The following SCN8A variants were observed in gnomAD, a reference collection of about 807,000 sequenced individuals.
SCN8A encodes the protein sodium voltage-gated channel alpha subunit 8, also known as sodium channel protein type 8 subunit alpha.
Under a neutral mutation model 184.1 loss-of-function variants are expected in SCN8A, and 30 were observed. The observed-to-expected ratio is 0.16, with a 90% CI of 0.12 to 0.22. The LOEUF (loss-of-function observed/expected upper bound fraction) is 0.22. Among genes scored for constraint, SCN8A ranks in the 10% least tolerant of loss-of-function variants. The pLI, the probability that SCN8A is intolerant of heterozygous loss-of-function variation, is 1.00. For missense variants in SCN8A, 1,057 were observed against 2,498.9 expected (o/e 0.42, Z 12.30); for synonymous variants, 852 against 907.0 (o/e 0.94, Z 1.09).
intron 1 of SCN8A, among the ~76,000 whole-genome samples, chr12:51,624,176 G>A (rs1308947831): frequency 6.6e-6 from 1 of 152,184 alleles, no homozygotes; most frequent in Non-Finnish European, 1.5e-5. Flanking sequence ...AGATCCCTGA[G>A]GAATCGCCAC....
chr12:51,714,333 T>A (rs1198801650), intron 11 of SCN8A, among the ~76,000 whole-genome samples: 1 of 149,670 alleles, frequency 6.7e-6, no homozygotes, highest in African/African-American at 2.4e-5. Context: ...CTGTGAATGA[T>A]TTCTAGCATC....
intron 1 of SCN8A, among the ~76,000 whole-genome samples, chr12:51,657,540 G>A (rs1940846350): frequency 1.3e-5 from 2 of 152,032 alleles, no homozygotes; most frequent in African/African-American, 4.8e-5. Context: ...CTTGTCAGAG[G>A]AATAGTTCAC....
intron 14 of SCN8A, among the ~76,000 whole-genome samples, chr12:51,757,972 A>G (rs1942702639): frequency 6.6e-6 from 1 of 152,178 alleles, no homozygotes; most frequent in African/African-American, 2.4e-5. Context: ...AACTGAGAAA[A>G]TTTCTAAACA....
At chr12:51,760,570 C>T (rs1318500767) in intron 14 of SCN8A, among the ~76,000 whole-genome samples, 1 of 152,214 alleles carries the variant, frequency 6.6e-6, no homozygotes, top group African/African-American at 2.4e-5. Flanking sequence ...AATCAAGTCT[C>T]TACTTAGTGT....
intron 1 of SCN8A, among the ~76,000 whole-genome samples, chr12:51,658,352 C>T (rs1484018787): frequency 2.6e-5 from 4 of 151,824 alleles, no homozygotes; most frequent in Non-Finnish European, 5.9e-5. Flanking sequence ...ATTCCTAGGT[C>T]TTACTATTTT....
Position 51,688,798 on chromosome 12 carries a change from C to G in SCN8A, c.615-207C>G. 1 of 1,613,972 alleles carries G rather than the reference C, an allele frequency of 6.2e-7. No individual in the cohort carries two copies. The highest frequency in any genetic ancestry group is 8.5e-7 in the Non-Finnish European group (1 of 1,179,874). On this transcript the variant is annotated intron_variant, in intron 5 of 26. Transcript: ENST00000627620. ...TGTAAACCTAGGCAATGTTTCAGCT[C>G]TACGCACTTTCAGGGTACTGAGGGC...
intron 2 of SCN8A, among the ~76,000 whole-genome samples, chr12:51,681,453 G>A (rs1320133602): frequency 3.3e-5 from 5 of 152,182 alleles, no homozygotes; most frequent in African/African-American, 4.8e-5. Context: ...TTTTCATAGA[G>A]GGAGTTGCTG....
chr12:51,690,480 G>T (rs1215153469), intron 6 of SCN8A, among the ~76,000 whole-genome samples: 1 of 151,900 alleles, frequency 6.6e-6, no homozygotes, highest in Non-Finnish European at 1.5e-5. Flanking sequence ...AGCCTTCCAA[G>T]TAGCTGAGAC....
intron 20 of SCN8A, among the ~76,000 whole-genome samples, 199 bp downstream of exon 20, chr12:51,774,561 G>C (rs145373183): frequency 6.6e-6 from 1 of 152,296 alleles, no homozygotes; most frequent in Non-Finnish European, 1.5e-5. Flanking sequence ...ATTTGCTCCA[G>C]GGGGACTAAC....
In SCN8A at chr12:51,773,365, G is replaced by A. The variant is rs992098042; in HGVS notation, c.3646-824G>A. Among the ~76,000 whole-genome samples the A allele has an allele frequency of 5.3e-5, 8 of 152,252 alleles. No homozygotes were observed. In the South Asian group the frequency reaches 1.7e-3, roughly 32 times the overall value. On this transcript the variant is annotated intron_variant, in intron 19 of 26. Transcript: ENST00000627620. ...GGAATGCTCACACCACCATATAAGGGATTATCCCATTCATGAATGCCAAAG... is the reference window on the plus strand; with the variant it reads ...GGAATGCTCACACCACCATATAAGGAATTATCCCATTCATGAATGCCAAAG...
At chr12:51,742,225 A>AT (rs1481348287) in intron 12 of SCN8A, among the ~76,000 whole-genome samples, 1 of 152,170 alleles carries the variant, frequency 6.6e-6, no homozygotes, top group Admixed American at 6.5e-5. Flanking sequence ...GGGAGTTTAC[A>AT]TGCCACAATT....
At chr12:51,757,779 C>G (rs1942699546) in intron 14 of SCN8A, among the ~76,000 whole-genome samples, 2 of 151,904 alleles carry the variant, frequency 1.3e-5, no homozygotes, top group Admixed American at 1.3e-4. Flanking sequence ...AGAGCAAGAC[C>G]CTATCTCAAA....
chr12:51,766,093 C>A, intron 16 of SCN8A, 66 bp downstream of exon 16: 1 of 1,280,314 alleles, frequency 7.8e-7, no homozygotes, highest in Non-Finnish European at 1.1e-6. Flanking sequence ...CCCAGAAGCC[C>A]AAGTCCTTCT....
intron 2 of SCN8A, among the ~76,000 whole-genome samples, chr12:51,671,403 T>C (rs1338755443): frequency 2.0e-5 from 3 of 152,202 alleles, no homozygotes; most frequent in African/African-American, 7.2e-5. Context: ...CTGAGCCACA[T>C]AGGGTATAGA....
rs1259896135 is a variant in SCN8A at position 51,645,691 on chromosome 12, C to T, written c.-54-17073C>T. Among the ~76,000 whole-genome samples, 6 of 151,560 alleles carry T rather than the reference C, an allele frequency of 4.0e-5. No individual in the cohort carries two copies. In the South Asian group the frequency reaches 8.4e-4, roughly 21 times the overall value. Reference sequence around the variant, plus strand: ...CTCTCTGAAACATGTGCTGTATCCACTCAGGGTTGAATGGATTAAGGGCGG... The same window carrying T: ...CTCTCTGAAACATGTGCTGTATCCATTCAGGGTTGAATGGATTAAGGGCGG... On this transcript the variant is annotated intron_variant, in intron 1 of 26. Coordinates refer to ENST00000627620, the MANE Select transcript of SCN8A (RefSeq NM_001330260.2).
intron 20 of SCN8A, 84 bp from the exon 21 acceptor site, chr12:51,780,565 C>CTTTTCTTTTTTTT (rs1937873541): frequency 3.4e-6 from 1 of 293,018 alleles, no homozygotes; most frequent in African/African-American, 1.3e-4. Context: ...TGTTTTCTTT[C>CTTTTCTTTTTTTT]TTTTTTTTTT....
chr12:51,748,182 A>G (rs1184754960), intron 13 of SCN8A, among the ~76,000 whole-genome samples: 1 of 152,232 alleles, frequency 6.6e-6, no homozygotes, highest in African/African-American at 2.4e-5. Flanking sequence ...TTGCTACAGC[A>G]TTAAAAGCCA....
At chr12:51,744,507 T>G (rs1466924724) in intron 12 of SCN8A, among the ~76,000 whole-genome samples, 1 of 151,326 alleles carries the variant, frequency 6.6e-6, no homozygotes, top group Non-Finnish European at 1.5e-5. Context: ...GGAAATCGGT[T>G]TTTTTTTTCC....
intron 1 of SCN8A, among the ~76,000 whole-genome samples, chr12:51,628,357 T>A (rs1940124517): frequency 6.6e-6 from 1 of 152,232 alleles, no homozygotes; most frequent in African/African-American, 2.4e-5. Flanking sequence ...ACTTAATGCT[T>A]ACAAAGTCCC....
Sources: gnomAD v4.1 joint callset for allele counts (sites outside exome capture counted in the v4.1 genomes callset) on GRCh38, gnomAD v4.1.1 for gene constraint, MANE v1.5 for transcripts, NCBI Gene and HGNC (gene_info 2026-07-23, HGNC 2026-07-21) for gene names.